Variants in AKAP6 observed in about 807,000 individuals in gnomAD.
AKAP6 encodes the protein A-kinase anchoring protein 6, also known as A-kinase anchor protein 6.
Under a neutral mutation model 188.5 loss-of-function variants are expected in AKAP6, and 58 were observed. The observed-to-expected ratio is 0.31, with a 90% CI of 0.25 to 0.38. The LOEUF (loss-of-function observed/expected upper bound fraction) is 0.38. AKAP6 is among the 10% of genes least tolerant of loss of function. The pLI is 1.00. For synonymous variants in AKAP6, 989 were observed against 998.6 expected, an observed-to-expected ratio of 0.99 and a Z score of 0.18; for missense variants, 2,710 against 2,740.0, an observed-to-expected ratio of 0.99 and a Z score of 0.24.
intron 3 of AKAP6, among the ~76,000 whole-genome samples, chr14:32,540,162 C>CTATATATATA (rs1473909094): frequency 9.5e-6 from 1 of 105,242 alleles, no homozygotes; most frequent in African/African-American, 4.9e-5. Flanking sequence ...CTCTCTCTCT[C>CTATATATATA]TCTCTCTATA....
intron 11 of AKAP6, among the ~76,000 whole-genome samples, chr14:32,743,927 C>T (rs2031783236): frequency 6.6e-6 from 1 of 152,186 alleles, no homozygotes; most frequent in Non-Finnish European, 1.5e-5. Flanking sequence ...TTCTTTCTAA[C>T]TGAAGTATTC....
intron 7 of AKAP6, among the ~76,000 whole-genome samples, chr14:32,612,406 T>G (rs1460388649): frequency 6.6e-6 from 1 of 152,194 alleles, no homozygotes; most frequent in Non-Finnish European, 1.5e-5. Flanking sequence ...ATAATATCCT[T>G]TTTAAAGCTA....
At chr14:32,755,858 A>G (rs2032311885) in intron 11 of AKAP6, among the ~76,000 whole-genome samples, 1 of 152,156 alleles carries the variant, frequency 6.6e-6, no homozygotes. Flanking sequence ...CCACTAACTC[A>G]TGGTTTATTT....
chr14:32,785,167 A>G (rs546552850), intron 12 of AKAP6, among the ~76,000 whole-genome samples: 2 of 151,972 alleles, frequency 1.3e-5, no homozygotes, highest in Non-Finnish European at 2.9e-5. Flanking sequence ...TTTTTTCTCT[A>G]TTGCATGTCC....
chr14:32,457,967 GGT>G (rs1891199889), intron 2 of AKAP6, among the ~76,000 whole-genome samples: 1 of 152,038 alleles, frequency 6.6e-6, no homozygotes, highest in Non-Finnish European at 1.5e-5. Context: ...GACATTCTAT[GGT>G]ACAGTTATTT....
intron 2 of AKAP6, among the ~76,000 whole-genome samples, chr14:32,533,246 A>G (rs1458752549): frequency 6.6e-6 from 1 of 152,176 alleles, no homozygotes; most frequent in Non-Finnish European, 1.5e-5. Flanking sequence ...AGTAAAAGGG[A>G]AGAATGTAGG....
chr14:32,717,554 T>G (rs1425044867), intron 9 of AKAP6, among the ~76,000 whole-genome samples: 1 of 151,778 alleles, frequency 6.6e-6, no homozygotes, highest in Admixed American at 6.6e-5. Flanking sequence ...CATCATTACA[T>G]TCTCCAAATT....
intron 13 of AKAP6, among the ~76,000 whole-genome samples, chr14:32,826,888 G>A (rs2140160770): frequency 6.6e-6 from 1 of 152,192 alleles, no homozygotes; most frequent in Non-Finnish European, 1.5e-5. Flanking sequence ...TCGGGCAAAG[G>A]GAGAAACAGC....
rs2034589706 is a variant in AKAP6 at position 32,823,551 on chromosome 14, C to T, written c.5738C>T (p.Thr1913Ile). Residue 1913 changes from threonine (T) to isoleucine (I), a missense_variant, in exon 13 of 14, where the codon ACT becomes ATT. Physicochemically the swap from Thr to Ile is moderately conservative, Grantham distance 89. Transcript: ENST00000280979. The part of the protein sequence containing the change: ...PERQKGKPNV[T>I]SKVSENLGSH... ...AGGCAAAAGGGAAAACCGAATGTGA[C>T]TTCAAAGGTATCAGAAAATCTTGGT... is the stretch of plus-strand genomic sequence containing the variant. 6.2e-7 allele frequency: 1 copy of T among 1,613,850 alleles called. No individual in the cohort carries two copies. Among genetic ancestry groups the T allele is most frequent in the Non-Finnish European group, 8.5e-7 (1 of 1,179,888 alleles).
intron 1 of AKAP6, among the ~76,000 whole-genome samples, chr14:32,355,348 A>G (rs185001520): frequency 6.6e-6 from 1 of 152,224 alleles, no homozygotes; most frequent in Admixed American, 6.5e-5. Context: ...CTACCTCATT[A>G]TTCTTAGTCC....
chr14:32,791,090 T>C (rs977903571), intron 12 of AKAP6, among the ~76,000 whole-genome samples: 31 of 152,348 alleles, frequency 2.0e-4, no homozygotes, highest in African/African-American at 7.5e-4. Flanking sequence ...TGTGTGCTTG[T>C]GTCTTTATAG....
chr14:32,555,979 T>G (rs954834258), intron 4 of AKAP6, among the ~76,000 whole-genome samples: 1 of 133,938 alleles, frequency 7.5e-6, no homozygotes, highest in Non-Finnish European at 1.5e-5. Flanking sequence ...TTGCTGGATG[T>G]TTTTTTTTTT....
intron 9 of AKAP6, among the ~76,000 whole-genome samples, chr14:32,715,682 C>T (rs1414665209): frequency 2.0e-5 from 3 of 151,764 alleles, no homozygotes; most frequent in African/African-American, 7.3e-5. Flanking sequence ...TTACCAAAAA[C>T]AGGAAGACAA....
In AKAP6 at chr14:32,735,707, C is replaced by T. The variant is rs748785340; in HGVS notation, c.3197C>T (p.Ser1066Leu). The change falls in exon 11 of 14, where the codon TCG becomes TTG. Residue 1066 changes from serine to leucine, a missense_variant. Coordinates refer to ENST00000280979, the MANE Select transcript of AKAP6 (RefSeq NM_004274.5). ...GACACAATGGCAGGGCACAGTGGGT[C>T]GAGTCCACGTGACCTGCTCTCTCCT... ...IQDTMAGHSG[S>L]SPRDLLSPES... 8.4e-5 allele frequency: 135 copies of T among 1,612,924 alleles called. No individual in the cohort carries two copies. The highest frequency in any genetic ancestry group is 1.1e-4 in the Non-Finnish European group (131 of 1,179,686).
chr14:32,741,431 A>G (rs1441258843), intron 11 of AKAP6, among the ~76,000 whole-genome samples: 1 of 151,978 alleles, frequency 6.6e-6, no homozygotes, highest in Non-Finnish European at 1.5e-5. Flanking sequence ...CATTCTTGCC[A>G]TGTTCCAAAT....
chr14:32,352,091 G>GTGTGTATGTT (rs1555320162), intron 1 of AKAP6, among the ~76,000 whole-genome samples: 41 of 99,282 alleles, frequency 4.1e-4, no homozygotes, highest in Non-Finnish European at 3.5e-4. Flanking sequence ...GTGTGTGTGT[G>GTGTGTATGTT]TGTGTGTGTG....
At chr14:32,593,052 A>G (rs952726550) in intron 5 of AKAP6, among the ~76,000 whole-genome samples, 23 of 148,702 alleles carry the variant, frequency 1.5e-4, no homozygotes, top group Non-Finnish European at 3.4e-4. Flanking sequence ...ACACACACAC[A>G]CACACACACA....
chr14:32,654,520 A>G (rs1256169340), intron 7 of AKAP6, among the ~76,000 whole-genome samples: 1 of 152,082 alleles, frequency 6.6e-6, no homozygotes, highest in African/African-American at 2.4e-5. Context: ...TACCAGACTG[A>G]TAGTCTTTTT....
At chr14:32,537,091 A>C (rs762554030) in intron 3 of AKAP6, among the ~76,000 whole-genome samples, 7 of 152,256 alleles carry the variant, frequency 4.6e-5, no homozygotes, top group Admixed American at 2.6e-4. Flanking sequence ...ATTATCAACA[A>C]CACCAAACAA....
Sources: allele counts gnomAD v4.1 joint callset (sites outside exome capture counted in the v4.1 genomes callset), GRCh38; gene constraint gnomAD v4.1.1; transcripts MANE v1.5; gene names NCBI Gene and HGNC (gene_info 2026-07-23, HGNC 2026-07-21).